FIGN: variants seen among roughly 807,000 people sequenced by gnomAD.
The protein encoded by FIGN is fidgetin, microtubule severing factor, also known as fidgetin.
Under a neutral mutation model 51.3 loss-of-function variants are expected in FIGN, and 11 were observed. The observed-to-expected ratio is 0.21, with a 90% confidence interval of 0.13 to 0.35. The LOEUF is 0.35. Ranked by LOEUF, FIGN falls within the 10% of genes least tolerant of loss-of-function variation. The probability of loss-of-function intolerance (pLI) is 1.00; values close to 1 mark genes in which losing one functional copy is unlikely to be tolerated. For missense variants in FIGN, 857 were observed against 943.6 expected (o/e 0.91, Z 1.20); for synonymous variants, 407 against 363.2 (o/e 1.12, Z -1.37).
intron 2 of FIGN, among the ~76,000 whole-genome samples, chr2:163,721,345 C>A (rs1333977833): frequency 2.6e-5 from 4 of 152,076 alleles, no homozygotes; most frequent in Non-Finnish European, 5.9e-5. Context: ...AATCTGATGG[C>A]TTTTAATCTA....
chr2:163,735,004 A>G lies in FIGN; in HGVS notation c.-77T>C. Reference sequence around the variant, plus strand: ...CCAAAGGTTGCTTTTCATTAAAGCCACTTTTCCTCTCAGCTATCAAATGTC... The same window carrying G: ...CCAAAGGTTGCTTTTCATTAAAGCCGCTTTTCCTCTCAGCTATCAAATGTC... On this transcript the variant is annotated 5_prime_UTR_variant, in exon 2 of 3. Coordinates refer to ENST00000333129, the MANE Select transcript of FIGN (RefSeq NM_018086.4). 1 of 1,496,210 alleles carries G rather than the reference A, an allele frequency of 6.7e-7. No homozygotes were observed. The highest frequency in any genetic ancestry group is 9.2e-7 in the Non-Finnish European group (1 of 1,081,800). The allele number at this position is 1,496,210 out of a possible 1,614,324, so 92.7% of individuals were successfully genotyped here.
At chr2:163,673,054 G>A (rs747196518) in intron 2 of FIGN, among the ~76,000 whole-genome samples, 5 of 152,116 alleles carry the variant, frequency 3.3e-5, no homozygotes, top group African/African-American at 9.7e-5. Context: ...GTAAGTATGT[G>A]TGTGAGGATA....
chr2:163,658,379 CTCTCTCTCTCTCT>C (rs1683597033), intron 2 of FIGN, among the ~76,000 whole-genome samples: 1 of 104,200 alleles, frequency 9.6e-6, no homozygotes, highest in Non-Finnish European at 1.7e-5. Context: ...CTCTCTCTCT[CTCTCTCTCTCTCT>C]CTCTCTCTCT....
chr2:163,713,515 G>A (rs926717901), intron 2 of FIGN, among the ~76,000 whole-genome samples: 31 of 152,194 alleles, frequency 2.0e-4, no homozygotes, highest in Admixed American at 1.4e-3. Flanking sequence ...AGGCACTACT[G>A]TATATAAACC....
chr2:163,668,866 G>A (rs984590125), intron 2 of FIGN, among the ~76,000 whole-genome samples: 1 of 151,866 alleles, frequency 6.6e-6, no homozygotes, highest in African/African-American at 2.4e-5. Context: ...GCGTGAACCC[G>A]GGAGGCGGAG....
chr2:163,649,061 T>C (rs1228634797), intron 2 of FIGN, among the ~76,000 whole-genome samples: 1 of 152,210 alleles, frequency 6.6e-6, no homozygotes, highest in Admixed American at 6.5e-5. Context: ...GAATATACTA[T>C]ATTTTGAAGC....
rs1691228818 is a variant in FIGN at position 163,610,753 on chromosome 2, T to C, written c.1079A>G (p.Asn360Ser). Reference protein sequence around the residue: ...RMPDNSISNTNRGNGFDRSAE... With the variant: ...RMPDNSISNTSRGNGFDRSAE... ...ACTTCTGTCAAAGCCATTCCCCCGATTTGTGTTTGAAATGCTGTTGTCGGG... is the reference window on the plus strand; with the variant it reads ...ACTTCTGTCAAAGCCATTCCCCCGACTTGTGTTTGAAATGCTGTTGTCGGG... The change falls in exon 3 of 3, where the codon AAT (asparagine) becomes AGT (serine). Residue 360 changes from asparagine (N) to serine (S), a missense_variant. Coordinates refer to ENST00000333129, the MANE Select transcript of FIGN (RefSeq NM_018086.4). The C allele has an allele frequency of 3.1e-6, 5 of 1,614,158 alleles. No homozygotes were observed. Among genetic ancestry groups the C allele is most frequent in the South Asian group, 1.1e-5 (1 of 91,078 alleles).
intron 2 of FIGN, among the ~76,000 whole-genome samples, chr2:163,633,097 T>C (rs1310588062): frequency 6.6e-6 from 1 of 151,976 alleles, no homozygotes; most frequent in East Asian, 1.9e-4. Flanking sequence ...GATGGGAGGA[T>C]TGCTTGAGCC....
At chr2:163,703,434 CAG>C (rs1684441043) in intron 2 of FIGN, among the ~76,000 whole-genome samples, 2 of 152,084 alleles carry the variant, frequency 1.3e-5, no homozygotes, top group South Asian at 4.1e-4. Context: ...GGAATTAAAA[CAG>C]TGATTTCTTT....
At chr2:163,615,326 A>T (rs925629103) in intron 2 of FIGN, among the ~76,000 whole-genome samples, 3 of 151,912 alleles carry the variant, frequency 2.0e-5, no homozygotes, top group African/African-American at 4.9e-5. Context: ...AGCTAATCTA[A>T]CCACAAACTA....
intron 2 of FIGN, among the ~76,000 whole-genome samples, chr2:163,668,546 T>C (rs1166882631): frequency 6.6e-6 from 1 of 152,210 alleles, no homozygotes; most frequent in Non-Finnish European, 1.5e-5. Context: ...TTGAATTCCA[T>C]CTCTTCATAA....
chr2:163,645,847 A>G (rs776907726), intron 2 of FIGN, among the ~76,000 whole-genome samples: 1 of 152,190 alleles, frequency 6.6e-6, no homozygotes, highest in South Asian at 2.1e-4. Flanking sequence ...TCATTTTCCA[A>G]TGCTTTGTAA....
chr2:163,709,028 C>T (rs777469436), intron 2 of FIGN, among the ~76,000 whole-genome samples: 3 of 152,118 alleles, frequency 2.0e-5, no homozygotes, highest in Non-Finnish European at 2.9e-5. Flanking sequence ...GTAAATACGG[C>T]AATGGGTGTC....
At chr2:163,703,030 C>CT (rs1324948335) in intron 2 of FIGN, among the ~76,000 whole-genome samples, 1,432 of 132,306 alleles carry the variant, frequency 0.011, 14 homozygotes, top group African/African-American at 0.022. Flanking sequence ...GATTATTTAG[C>CT]TTTTTTTTTT....
intron 2 of FIGN, among the ~76,000 whole-genome samples, chr2:163,728,166 T>A (rs1241129890): frequency 6.6e-6 from 1 of 151,990 alleles, no homozygotes; most frequent in Non-Finnish European, 1.5e-5. Flanking sequence ...TATTTGGGGG[T>A]CTGCCCCCCC....
At chr2:163,664,480 G>A (rs1337467820) in intron 2 of FIGN, among the ~76,000 whole-genome samples, 3 of 152,102 alleles carry the variant, frequency 2.0e-5, no homozygotes, top group Non-Finnish European at 2.9e-5. Flanking sequence ...ACTCTAGCCA[G>A]CCAGCCATTA....
intron 2 of FIGN, among the ~76,000 whole-genome samples, chr2:163,664,766 C>G (rs1025746150): frequency 6.6e-6 from 1 of 152,230 alleles, no homozygotes; most frequent in Non-Finnish European, 1.5e-5. Context: ...AGTCAACACT[C>G]TAGCCACAAA....
chr2:163,655,550 T>A lies in FIGN; in HGVS notation c.26-43744A>T, dbSNP rs182886318. On this transcript the variant is annotated intron_variant, in intron 2 of 2. Coordinates refer to ENST00000333129, the MANE Select transcript of FIGN (RefSeq NM_018086.4). ...TTCTACCAGCAGCTTTTGTCACTAA[T>A]CATATCCTCTTCACTAAAAAGGTAA... 1.5e-4 allele frequency among the ~76,000 whole-genome samples: 23 copies of A among 152,258 alleles called. No homozygotes were observed. In the East Asian group the frequency reaches 4.4e-3, roughly 29 times the overall value.
chr2:163,712,063 A>G (rs1004962914), intron 2 of FIGN, among the ~76,000 whole-genome samples: 1 of 152,122 alleles, frequency 6.6e-6, no homozygotes, highest in Non-Finnish European at 1.5e-5. Flanking sequence ...TTTTTTAAAC[A>G]TAAGAATGAT....
Sources: allele counts gnomAD v4.1 joint callset (sites outside exome capture counted in the v4.1 genomes callset), GRCh38; gene constraint gnomAD v4.1.1; transcripts MANE v1.5; gene names NCBI Gene and HGNC (gene_info 2026-07-23, HGNC 2026-07-21).